The following BAZ2B variants were observed in gnomAD, a reference collection of about 807,000 sequenced individuals.
BAZ2B encodes bromodomain adjacent to zinc finger domain 2B.
In BAZ2B, 91 loss-of-function variants were observed where a neutral mutation model predicts 246.0. The ratio of observed to expected loss-of-function variants is 0.37; its 90% CI spans 0.31 to 0.44. The LOEUF (loss-of-function observed/expected upper bound fraction) is 0.44, where lower values mean the gene tolerates loss of function less well. BAZ2B is among the 20% of genes least tolerant of loss of function. The pLI is 1.00. For missense variants in BAZ2B, 2,332 were observed against 2,533.7 expected (o/e 0.92, Z 1.71); for synonymous variants, 855 against 860.0 (o/e 0.99, Z 0.10).
chr2:159,544,896 G>C, intron 2 of BAZ2B, among the ~76,000 whole-genome samples: 1 of 152,198 alleles, frequency 6.6e-6, no homozygotes, highest in Non-Finnish European at 1.5e-5. Flanking sequence ...TAGGGACAAG[G>C]CTACATTTAA....
Position 159,433,195 on chromosome 2 carries a change from G to C in BAZ2B, c.1462C>G (p.Leu488Val). 1 of 1,614,198 alleles carries C rather than the reference G, an allele frequency of 6.2e-7. No individual in the cohort carries two copies. ...NHPNPFLTNA[L>V]LGNHQPNGVI... ...CCATTTGGTTGGTGATTACCTAAAA[G>C]TGCATTTGTCAAGAATGGATTTGGG... The change falls in exon 9 of 37, where the codon CTT (leucine) becomes GTT (valine). Residue 488 changes from leucine (L) to valine (V), a missense_variant. Transcript: ENST00000392783.
chr2:159,693,121 TTTGTTTG>T, the BAZ2B span: 1 of 130,730 alleles, frequency 7.6e-6, no homozygotes, highest in African/African-American at 3.8e-5. Context: ...GACATTGGAA[TTTGTTTG>T]TTAATATTTT....
chr2:159,555,090 A>ATTTT (rs72324855), intron 2 of BAZ2B, among the ~76,000 whole-genome samples: 1 of 93,826 alleles, frequency 1.1e-5, no homozygotes, highest in African/African-American at 3.8e-5. Context: ...GTGTGTGTGT[A>ATTTT]TTTTTTTTTT....
At chr2:159,603,648 C>T (rs1427687849) in intron 1 of BAZ2B, among the ~76,000 whole-genome samples, 2 of 151,274 alleles carry the variant, frequency 1.3e-5, no homozygotes, top group African/African-American at 4.9e-5. Context: ...CAGAAACTAC[C>T]AAATTTCTTT....
upstream of BAZ2B, among the ~76,000 whole-genome samples, chr2:159,618,562 AC>A (rs1443281930): frequency 1.3e-5 from 2 of 152,140 alleles, no homozygotes; most frequent in African/African-American, 4.8e-5. Flanking sequence ...CAAGTCACAT[AC>A]AAAAAAGTTA....
In BAZ2B at chr2:159,325,736, A is replaced by G. The variant is rs755873232; in HGVS notation, c.6126T>C (p.Thr2042=). 43 of 1,598,010 alleles carry G rather than the reference A, an allele frequency of 2.7e-5. No individual in the cohort carries two copies. Among genetic ancestry groups the G allele is most frequent in the Non-Finnish European group, 2.6e-5 (31 of 1,176,400 alleles). The part of the protein sequence containing the change: ...DLKKRKMEEN[T]SINLSKQESF... ...TTTCTTGTTTTGACAAGTTAATAGA[A>G]GTGTTTTCCTCCATTTTTCTTTTCT... The change falls in exon 35 of 37, where the codon ACT becomes ACC. Residue 2042 remains threonine, a synonymous_variant. Coordinates refer to ENST00000392783, the MANE Select transcript of BAZ2B (RefSeq NM_013450.4).
chr2:159,495,728 T>C (rs1424688205), intron 2 of BAZ2B, among the ~76,000 whole-genome samples: 1 of 151,916 alleles, frequency 6.6e-6, no homozygotes, highest in Non-Finnish European at 1.5e-5. Context: ...GAGAAACAGA[T>C]ATGAGTATCT....
intron 13 of BAZ2B, among the ~76,000 whole-genome samples, chr2:159,419,478 A>T (rs2068348466): frequency 6.6e-6 from 1 of 152,234 alleles, no homozygotes; most frequent in South Asian, 2.1e-4. Context: ...GTGATAGATT[A>T]TCAACTTTAT....
chr2:159,458,072 A>G (rs996399800), intron 3 of BAZ2B, among the ~76,000 whole-genome samples: 5 of 152,128 alleles, frequency 3.3e-5, no homozygotes, highest in Non-Finnish European at 7.4e-5. Context: ...CAGTGGCACA[A>G]TCTCAGCTTA....
chr2:159,659,906 T>C, the BAZ2B span, among the ~76,000 whole-genome samples: 3 of 152,216 alleles, frequency 2.0e-5, no homozygotes, highest in Admixed American at 6.5e-5. Context: ...AGTCCTCTAT[T>C]CATTAAAGTA....
At chr2:159,674,031 A>T in the BAZ2B span, among the ~76,000 whole-genome samples, 1,225 of 151,448 alleles carry the variant, frequency 8.1e-3, 19 homozygotes, top group African/African-American at 0.028. Context: ...GACATAATTA[A>T]TTTTTTTTTT....
Position 159,397,375 on chromosome 2 carries a change from T to C in BAZ2B, c.2979A>G (p.Arg993=). ...GTTTCAGAAGAACAGCTTGTTGTCTTCTCATTTCTTTTTCCTTAAAAATAA... is the reference window on the plus strand; with the variant it reads ...GTTTCAGAAGAACAGCTTGTTGTCTCCTCATTTCTTTTTCCTTAAAAATAA... ...AEKRIKEKEM[R]RQQAVLLKHQ... The change falls in exon 19 of 37, where the codon AGA becomes AGG. Residue 993 remains arginine (R), a synonymous_variant. Transcript: ENST00000392783. 1 of 1,551,374 alleles carries C rather than the reference T, an allele frequency of 6.4e-7. No homozygotes were observed. The highest frequency in any genetic ancestry group is 8.8e-7 in the Non-Finnish European group (1 of 1,136,998).
At chr2:159,449,282 C>T (rs1445378107) in intron 4 of BAZ2B, among the ~76,000 whole-genome samples, 1 of 152,056 alleles carries the variant, frequency 6.6e-6, no homozygotes, top group Non-Finnish European at 1.5e-5. Context: ...ATCTCAAAAA[C>T]AATCTTCTCC....
At chr2:159,576,351 TAAAAG>T (rs1321111991) in intron 1 of BAZ2B, among the ~76,000 whole-genome samples, 4 of 151,140 alleles carry the variant, frequency 2.6e-5, no homozygotes, top group Non-Finnish European at 4.4e-5. Context: ...CAGAAAAAAA[TAAAAG>T]AGATCAGTCT....
the BAZ2B span, among the ~76,000 whole-genome samples, chr2:159,656,857 G>T: frequency 1.3e-5 from 2 of 151,838 alleles, no homozygotes; most frequent in East Asian, 1.9e-4. Context: ...TCTTATTTTT[G>T]AATTTAAATA....
chr2:159,654,524 T>C, the BAZ2B span, among the ~76,000 whole-genome samples: 9 of 152,240 alleles, frequency 5.9e-5, no homozygotes, highest in African/African-American at 2.2e-4. Context: ...AAACCTGCCT[T>C]CTAAGGTAGC....
chr2:159,699,777 T>C, the BAZ2B span, among the ~76,000 whole-genome samples: 1 of 152,220 alleles, frequency 6.6e-6, no homozygotes, highest in Non-Finnish European at 1.5e-5. Flanking sequence ...TATTCACTCT[T>C]AATTACAAGG....
chr2:159,682,904 A>ACCCC, the BAZ2B span, among the ~76,000 whole-genome samples: 6 of 95,342 alleles, frequency 6.3e-5, no homozygotes, highest in East Asian at 1.1e-3. Flanking sequence ...ATAAACTGCC[A>ACCCC]CCCCTCCCCC....
intron 6 of BAZ2B, among the ~76,000 whole-genome samples, chr2:159,441,811 T>TA (rs1420778520): frequency 1.3e-5 from 2 of 152,178 alleles, no homozygotes; most frequent in Non-Finnish European, 2.9e-5. Flanking sequence ...TTTTAAAAGT[T>TA]AGTCTTCTTA....
Sources: gnomAD v4.1 joint callset for allele counts (sites outside exome capture counted in the v4.1 genomes callset) on GRCh38, gnomAD v4.1.1 for gene constraint, MANE v1.5 for transcripts, NCBI Gene and HGNC (gene_info 2026-07-23, HGNC 2026-07-21) for gene names.